NCKAP5: variants seen among roughly 807,000 people sequenced by gnomAD.
NCKAP5 encodes NCK associated protein 5.
Under a neutral mutation model 167.0 loss-of-function variants are expected in NCKAP5, and 92 were observed. The observed-to-expected ratio is 0.55, with a 90% CI of 0.47 to 0.66. The LOEUF is 0.66. Ranked by LOEUF, NCKAP5 falls within the 30% of genes least tolerant of loss-of-function variation. The probability of loss-of-function intolerance (pLI) is 0.00; values close to 1 mark genes in which losing one functional copy is unlikely to be tolerated. For synonymous variants in NCKAP5, 891 were observed against 877.4 expected (o/e 1.02, Z -0.27); for missense variants, 2,378 against 2,315.0 (o/e 1.03, Z -0.56).
chr2:132,885,749 A>T (rs1359049835), intron 8 of NCKAP5, among the ~76,000 whole-genome samples: 1 of 152,224 alleles, frequency 6.6e-6, no homozygotes, highest in African/African-American at 2.4e-5. Flanking sequence ...GAAAAATCTG[A>T]TGCTTCTAAA....
At chr2:133,014,513 TGGCACAATACA>T (rs2078267852) in intron 6 of NCKAP5, among the ~76,000 whole-genome samples, 1 of 152,220 alleles carries the variant, frequency 6.6e-6, no homozygotes, top group Admixed American at 6.5e-5. Flanking sequence ...TTGTCCCTTA[TGGCACAATACA>T]GGTACCACTT....
At chr2:133,562,500 C>A (rs1040607066) in intron 1 of NCKAP5, among the ~76,000 whole-genome samples, 10 of 152,160 alleles carry the variant, frequency 6.6e-5, no homozygotes, top group Non-Finnish European at 1.5e-4. Flanking sequence ...AAGCAAGTTG[C>A]CTTTATGGAG....
At chr2:133,043,849 C>A (rs2079296730) in intron 6 of NCKAP5, among the ~76,000 whole-genome samples, 1 of 150,386 alleles carries the variant, frequency 6.6e-6, no homozygotes, top group Non-Finnish European at 1.5e-5. Flanking sequence ...GATCACACAG[C>A]TTGGAATTCT....
At chr2:133,502,746 C>T (rs1359422594) in intron 3 of NCKAP5, among the ~76,000 whole-genome samples, 1 of 152,212 alleles carries the variant, frequency 6.6e-6, no homozygotes. Flanking sequence ...AAGAAAAACG[C>T]ATTTTAAAGA....
At chr2:133,607,267 C>A in the NCKAP5 span, among the ~76,000 whole-genome samples, 15 of 152,268 alleles carry the variant, frequency 9.9e-5, no homozygotes, top group African/African-American at 3.6e-4. Flanking sequence ...AGATTTACAC[C>A]ATGCTCTAGA....
At chr2:132,721,318 A>G (rs1689904290) in intron 19 of NCKAP5, among the ~76,000 whole-genome samples, 1 of 147,698 alleles carries the variant, frequency 6.8e-6, no homozygotes. Context: ...GGAAAACAAA[A>G]GAAAAGAAAA....
intron 5 of NCKAP5, among the ~76,000 whole-genome samples, chr2:133,134,977 A>T (rs1436457336): frequency 1.3e-5 from 2 of 152,306 alleles, no homozygotes; most frequent in East Asian, 3.9e-4. Context: ...TTGGCCCACA[A>T]ATGTTTACTG....
chr2:133,464,181 A>G (rs1042544248), intron 3 of NCKAP5, among the ~76,000 whole-genome samples: 2 of 152,214 alleles, frequency 1.3e-5, no homozygotes, highest in Admixed American at 1.3e-4. Flanking sequence ...AAAACAGATG[A>G]TTTTGAACAG....
intron 3 of NCKAP5, among the ~76,000 whole-genome samples, chr2:133,419,802 C>T (rs1454101277): frequency 6.6e-6 from 1 of 152,098 alleles, no homozygotes; most frequent in Admixed American, 6.6e-5. Context: ...CTGCAAAGAA[C>T]AAAGAAACAA....
chr2:133,382,864 C>G lies in NCKAP5; in HGVS notation c.70-79754G>C, dbSNP rs776655113. Among the ~76,000 whole-genome samples the G allele has an allele frequency of 8.9e-4, 136 of 152,222 alleles. 2 individuals are homozygous for G. The highest frequency in any genetic ancestry group is 1.4e-3 in the Admixed American group (21 of 15,288). On this transcript the variant is annotated intron_variant, in intron 3 of 19. Transcript: ENST00000409261. Reference sequence around the variant, plus strand: ...CAGGAGAGATGCTAGAATCTTTGTCCTCTTTAGTTCATCATTTTGTCCTCA... The same window carrying G: ...CAGGAGAGATGCTAGAATCTTTGTCGTCTTTAGTTCATCATTTTGTCCTCA...
At chr2:133,289,280 T>A (rs1378637868) in intron 4 of NCKAP5, among the ~76,000 whole-genome samples, 2 of 152,164 alleles carry the variant, frequency 1.3e-5, no homozygotes, top group East Asian at 3.8e-4. Flanking sequence ...AAAATAATCA[T>A]AATTTATTTT....
chr2:133,071,620 T>G (rs888862968), intron 6 of NCKAP5, among the ~76,000 whole-genome samples: 3 of 152,216 alleles, frequency 2.0e-5, no homozygotes, highest in Admixed American at 2.0e-4. Flanking sequence ...TTTCTGAGAT[T>G]CTCTGAGTAT....
At chr2:133,435,138 A>G (rs1362067985) in intron 3 of NCKAP5, among the ~76,000 whole-genome samples, 1 of 152,172 alleles carries the variant, frequency 6.6e-6, no homozygotes, top group Admixed American at 6.5e-5. Flanking sequence ...CTCATCACTA[A>G]CTACTCTTAT....
At chr2:133,577,802 C>G in the NCKAP5 span, among the ~76,000 whole-genome samples, 21 of 152,222 alleles carry the variant, frequency 1.4e-4, no homozygotes, top group African/African-American at 4.8e-4. Context: ...CTGCAGGAAC[C>G]ATCCAGAATG....
chr2:132,984,043 G>A (rs2077216143), intron 7 of NCKAP5, among the ~76,000 whole-genome samples: 1 of 152,138 alleles, frequency 6.6e-6, no homozygotes, highest in Non-Finnish European at 1.5e-5. Flanking sequence ...GACTGCTTCA[G>A]CCCAAGAGTT....
At chr2:133,421,697 C>T (rs1477630651) in intron 3 of NCKAP5, among the ~76,000 whole-genome samples, 1 of 152,256 alleles carries the variant, frequency 6.6e-6, no homozygotes, top group East Asian at 1.9e-4. Context: ...AAGAGCCAAC[C>T]AGTGACCTCA....
the NCKAP5 span, among the ~76,000 whole-genome samples, chr2:133,574,564 G>A: frequency 6.6e-6 from 1 of 151,908 alleles, no homozygotes; most frequent in African/African-American, 2.4e-5. Flanking sequence ...GTGGCTCAGG[G>A]GTCTGCTGGA....
chr2:132,764,841 G>C (rs1055149040), intron 16 of NCKAP5, among the ~76,000 whole-genome samples: 2 of 152,096 alleles, frequency 1.3e-5, no homozygotes, highest in East Asian at 3.9e-4. Flanking sequence ...GTGACAATCT[G>C]GTCAACTTTC....
the NCKAP5 span, among the ~76,000 whole-genome samples, chr2:133,635,416 AC>A: frequency 4.5e-3 from 678 of 152,118 alleles, 1 homozygote; most frequent in Non-Finnish European, 8.1e-3. Context: ...TTCTGGGAAG[AC>A]TCTTTCATGA....
Sources: allele counts gnomAD v4.1 joint callset (sites outside exome capture counted in the v4.1 genomes callset), GRCh38; gene constraint gnomAD v4.1.1; transcripts MANE v1.5; gene names NCBI Gene and HGNC (gene_info 2026-07-23, HGNC 2026-07-21).